The following WEE1 variants were observed in gnomAD, a reference collection of about 807,000 sequenced individuals.
WEE1 encodes WEE1 G2 checkpoint kinase.
WEE1 carries 16 observed loss-of-function variants against 68.8 expected under a neutral mutation model. The ratio of observed to expected loss-of-function variants is 0.23; its 90% CI spans 0.16 to 0.35. The LOEUF (loss-of-function observed/expected upper bound fraction) is 0.35, where lower values mean the gene tolerates loss of function less well. Among genes scored for constraint, WEE1 ranks in the 10% least tolerant of loss-of-function variants. The probability of loss-of-function intolerance (pLI) is 1.00; values close to 1 mark genes in which losing one functional copy is unlikely to be tolerated. For synonymous variants in WEE1, 349 were observed against 318.7 expected (o/e 1.09, Z -1.01); for missense variants, 651 against 824.1 (o/e 0.79, Z 2.57).
Position 9,574,142 on chromosome 11 carries a change from AGCCCGGGCCCGAGCGCCGCCGCTC to A in WEE1, c.219_242del (p.Glu74_Pro81del), listed in dbSNP as rs1849536523. 1.3e-5 allele frequency: 16 copies of A among 1,196,144 alleles called. No individual in the cohort carries two copies. Among genetic ancestry groups the A allele is most frequent in the Non-Finnish European group, 1.7e-5 (16 of 966,558 alleles). The allele number at this position is 1,196,144 out of a possible 1,614,324, so 74.1% of individuals were successfully genotyped here. A position where few individuals can be genotyped will look rare whatever the true frequency, so the allele number is the denominator to read the frequency against. Reference sequence around the variant, plus strand: ...CTGCCGCCCGCGCGGAGCCCCACGGAGCCCGGGCCCGAGCGCCGCCGCTCGCCCGGGCCGGCCCCCGGCAGCCCC... The same window carrying A: ...CTGCCGCCCGCGCGGAGCCCCACGGAGCCCGGGCCGGCCCCCGGCAGCCCC... On this transcript the variant is annotated inframe_deletion, in exon 1 of 11. Transcript: ENST00000450114. The surrounding 1 kb of genome is among the most constrained non-coding windows in gnomAD (Gnocchi z 4.9).
chr11:9,588,996 A>AG lies in WEE1; in HGVS notation c.*394_*395insG. 4 of 986,680 alleles carry AG rather than the reference A, an allele frequency of 4.1e-6. No individual in the cohort carries two copies. The highest frequency in any genetic ancestry group is 4.8e-6 in the Non-Finnish European group (4 of 830,458). 61.1% of individuals were successfully genotyped at this position (986,680 alleles called of 1,614,324 possible). A position where few individuals can be genotyped will look rare whatever the true frequency, so the allele number is the denominator to read the frequency against. On this transcript the variant is annotated 3_prime_UTR_variant, in exon 11 of 11. Coordinates refer to ENST00000450114, the MANE Select transcript of WEE1 (RefSeq NM_003390.4). ...AAAGGGACATGCTAAAAGACTCATT[A>AG]CTACTCAGCCTTCAATGTACCTGTG...
chr11:9,586,701 T>C lies in WEE1; in HGVS notation c.1642-10T>C. On this transcript the variant is annotated splice_polypyrimidine_tract_variant and intron_variant, in intron 9 of 10. Transcript: ENST00000450114. ...CATGTCTTTACCTTCATTTTACTTT[T>C]CTTTTTAAGGTTATGATTCATCCAG... 2.5e-6 allele frequency: 4 copies of C among 1,611,094 alleles called. No homozygotes were observed. The highest frequency in any genetic ancestry group is 3.4e-6 in the Non-Finnish European group (4 of 1,179,300).
At position 9,585,239 on chromosome 11, in the gene WEE1, A is replaced by G. The variant is rs764070023; in HGVS notation, c.1289-19A>G. 5 of 1,567,852 alleles carry G rather than the reference A, an allele frequency of 3.2e-6. No homozygotes were observed. In the South Asian group the frequency reaches 3.3e-5, roughly 10 times the overall value. ...TTTTATTATTATTAGTTTGGCTTAC[A>G]TAATTAACTGTTTGACAGGTAATAT... On this transcript the variant is annotated intron_variant, in intron 6 of 10. Transcript: ENST00000450114.
At chr11:9,581,762 A>G (rs1849630669) in intron 6 of WEE1, 84 bp downstream of exon 6, 15 of 1,349,498 alleles carry the variant, frequency 1.1e-5, no homozygotes, top group Admixed American at 5.1e-5. Flanking sequence ...GAAAAAATAT[A>G]TATCTTCTGT....
At chr11:9,584,753 A>C (rs1849681822) in intron 6 of WEE1, among the ~76,000 whole-genome samples, 1 of 152,084 alleles carries the variant, frequency 6.6e-6, no homozygotes, top group Non-Finnish European at 1.5e-5. Flanking sequence ...TCCAGTTTAA[A>C]GTGTTTAGGA....
intron 5 of WEE1, 162 bp downstream of exon 5, chr11:9,577,425 C>T: frequency 1.2e-6 from 1 of 842,918 alleles, no homozygotes; most frequent in Non-Finnish European, 1.8e-6. Context: ...AAAACCTTGT[C>T]CTTTCTGAAG....
intron 10 of WEE1, 140 bp downstream of exon 10, chr11:9,586,996 C>A: frequency 1.1e-6 from 1 of 948,426 alleles, no homozygotes; most frequent in Non-Finnish European, 1.5e-6. Flanking sequence ...CAGGGTCTCA[C>A]TGTCATCAGG....
rs1226701639 is a variant in WEE1, at chr11:9,574,379, C to T, written c.446C>T (p.Ala149Val). ...SPVRCGGPGD[A>V]SPRGCGARRA... ...GTGCGCTGCGGCGGCCCAGGAGATG[C>T]GTCGCCGCGGGGTTGCGGGGCGCGC... The change falls in exon 1 of 11, where the codon GCG becomes GTG. Residue 149 changes from alanine to valine, a missense_variant. This residue lies in a region of WEE1 where 395 missense variants were observed against 378.4 expected (regional missense o/e 1.04). Coordinates refer to ENST00000450114, the MANE Select transcript of WEE1 (RefSeq NM_003390.4). This position sits in a 1 kb window ranked among gnomAD's most constrained non-coding sequence, Gnocchi z 4.9. 8.2e-7 allele frequency: 1 copy of T among 1,220,622 alleles called. No homozygotes were observed. Among genetic ancestry groups the T allele is most frequent in the Admixed American group, 4.4e-5 (1 of 22,962 alleles). The allele number at this position is 1,220,622 out of a possible 1,614,324, so 75.6% of individuals were successfully genotyped here.
At chr11:9,584,411 A>T (rs1242319651) in intron 6 of WEE1, among the ~76,000 whole-genome samples, 1 of 152,106 alleles carries the variant, frequency 6.6e-6, no homozygotes. Context: ...CTTTCAAAGC[A>T]CTGGGATTAC....
chr11:9,576,347 G>C lies in WEE1; in HGVS notation c.846+54G>C, dbSNP rs181199415. Reference sequence around the variant, plus strand: ...GAAATTTACTTTTCTGCCACTTAAAGCATGCTATGAATATGTTAATAAGCA... The same window carrying C: ...GAAATTTACTTTTCTGCCACTTAAACCATGCTATGAATATGTTAATAAGCA... On this transcript the variant is annotated intron_variant, in intron 3 of 10. Coordinates refer to ENST00000450114, the MANE Select transcript of WEE1 (RefSeq NM_003390.4). This position sits in a 1 kb window ranked among gnomAD's most constrained non-coding sequence, Gnocchi z 4.3. 1,527 of 1,536,480 alleles carry C rather than the reference G, an allele frequency of 9.9e-4. 23 individuals are homozygous for C. In the Admixed American group the frequency reaches 0.027, roughly 27 times the overall value.
At chr11:9,585,875 A>G (rs1480253387) in intron 8 of WEE1, among the ~76,000 whole-genome samples, 1 of 152,220 alleles carries the variant, frequency 6.6e-6, no homozygotes, top group Non-Finnish European at 1.5e-5. Context: ...ATATACAAAT[A>G]CAAGTTGAGA....
In WEE1 at chr11:9,585,121, C is replaced by T. The variant is rs149447056; in HGVS notation, c.1289-137C>T. 81 of 699,848 alleles carry T rather than the reference C, an allele frequency of 1.2e-4. 1 individual carries two copies. In the Middle Eastern group the frequency reaches 3.7e-3, roughly 32 times the overall value. 43.4% of individuals were successfully genotyped at this position (699,848 alleles called of 1,614,324 possible). A position where few individuals can be genotyped will look rare whatever the true frequency, so the allele number is the denominator to read the frequency against. On this transcript the variant is annotated intron_variant, in intron 6 of 10. Coordinates refer to ENST00000450114, the MANE Select transcript of WEE1 (RefSeq NM_003390.4). ...ACCCTGGTTTCTGTCCCCTGAGATG[C>T]TTATTCCATGGGTTTGGGCTAGAAC...
At position 9,573,687 on chromosome 11, in the gene WEE1, CTG is replaced by C. The variant is rs1026656473; in HGVS notation, c.-246_-245del. On this transcript the variant is annotated 5_prime_UTR_variant, in exon 1 of 11. Coordinates refer to ENST00000450114, the MANE Select transcript of WEE1 (RefSeq NM_003390.4). ...GAAGCCGCGGAGCCCGAACCTGAGACTGGACCTGAGGAGACCTCAGCCTCGGT... is the reference window on the plus strand; with the variant it reads ...GAAGCCGCGGAGCCCGAACCTGAGACGACCTGAGGAGACCTCAGCCTCGGT... 6.3e-5 allele frequency: 11 copies of C among 175,116 alleles called. No homozygotes were observed. Among genetic ancestry groups the C allele is most frequent in the African/African-American group, 2.6e-4 (11 of 41,950 alleles). The allele number at this position is 175,116 out of a possible 1,614,324, so 10.8% of individuals were successfully genotyped here.
rs1589975938 is a variant in WEE1, at chr11:9,574,610, C to G, written c.576+101C>G. Reference sequence around the variant, plus strand: ...GTTACAGAAGCGGCCGGCCGCTCCCCCCTCGCTTTCCTGCGCCGCCCCCCA... The same window carrying G: ...GTTACAGAAGCGGCCGGCCGCTCCCGCCTCGCTTTCCTGCGCCGCCCCCCA... On this transcript the variant is annotated intron_variant, in intron 1 of 10. Coordinates refer to ENST00000450114, the MANE Select transcript of WEE1 (RefSeq NM_003390.4). The surrounding 1 kb of genome is among the most constrained non-coding windows in gnomAD (Gnocchi z 4.9). 6.2e-6 allele frequency: 7 copies of G among 1,122,550 alleles called. No individual in the cohort carries two copies. The South Asian group carries it at 1.3e-4, about 21-fold the overall frequency. 69.5% of individuals were successfully genotyped at this position (1,122,550 alleles called of 1,614,324 possible). A position where few individuals can be genotyped will look rare whatever the true frequency, so the allele number is the denominator to read the frequency against.
chr11:9,577,037 A>G, intron 4 of WEE1, 105 bp from the exon 5 acceptor site: 2 of 1,348,036 alleles, frequency 1.5e-6, no homozygotes, highest in Non-Finnish European at 1.0e-6. Context: ...TTTTAGCATA[A>G]CAATAGATAC....
In WEE1 at chr11:9,574,876, A is replaced by G; in HGVS notation, c.576+367A>G. On this transcript the variant is annotated intron_variant, in intron 1 of 10. Coordinates refer to ENST00000450114, the MANE Select transcript of WEE1 (RefSeq NM_003390.4). This position sits in a 1 kb window ranked among gnomAD's most constrained non-coding sequence, Gnocchi z 4.9. ...CCGGCCCGGCCACCTGACACTCCCG[A>G]GCCATAGGATGCCTTTTAAACGCGG... 1 of 987,854 alleles carries G rather than the reference A, an allele frequency of 1.0e-6. No homozygotes were observed. Among genetic ancestry groups the G allele is most frequent in the Non-Finnish European group, 1.2e-6 (1 of 831,614 alleles). 61.2% of individuals were successfully genotyped at this position (987,854 alleles called of 1,614,324 possible).
chr11:9,573,864 C>A lies in WEE1; in HGVS notation c.-70C>A. 2 of 1,175,206 alleles carry A rather than the reference C, an allele frequency of 1.7e-6. No homozygotes were observed. Among genetic ancestry groups the A allele is most frequent in the Non-Finnish European group, 2.1e-6 (2 of 945,392 alleles). 72.8% of individuals were successfully genotyped at this position (1,175,206 alleles called of 1,614,324 possible). ...CCAGCCGCACGTGGCGGACCCGCCC[C>A]CAGGCCCGCAGTGTCCTGGACCCCG... On this transcript the variant is annotated 5_prime_UTR_variant, in exon 1 of 11. Transcript: ENST00000450114.
intron 5 of WEE1, chr11:9,577,821 C>T (rs1565087842): frequency 2.2e-6 from 1 of 451,652 alleles, no homozygotes. Context: ...GTCTCTCCCT[C>T]CTCTCCCCTA....
At chr11:9,581,379 A>T (rs1849626124) in intron 5 of WEE1, 153 bp from the exon 6 acceptor site, 1 of 640,598 alleles carries the variant, frequency 1.6e-6, no homozygotes, top group Non-Finnish European at 2.6e-6. Context: ...AAAAACAATA[A>T]AATTTTGATT....
Sources: gnomAD v4.1 joint callset for allele counts (sites outside exome capture counted in the v4.1 genomes callset) on GRCh38, gnomAD v4.1.1 for gene constraint, gnomAD v4.1.1 regional missense constraint, Gnocchi (gnomAD v3.1) non-coding constraint, MANE v1.5 for transcripts, NCBI Gene and HGNC (gene_info 2026-07-23, HGNC 2026-07-21) for gene names.